Variants in APC observed in about 807,000 individuals in gnomAD.
APC encodes APC regulator of Wnt signaling pathway.
In APC, 72 loss-of-function variants were observed where a neutral mutation model predicts 247.0. The ratio of observed to expected loss-of-function variants is 0.29; its 90% CI spans 0.24 to 0.35. The LOEUF (loss-of-function observed/expected upper bound fraction) is 0.35, where lower values mean the gene tolerates loss of function less well. Among genes scored for constraint, APC ranks in the 10% least tolerant of loss-of-function variants. The pLI is 1.00. For missense variants in APC, 3,400 were observed against 3,360.7 expected, an observed-to-expected ratio of 1.01 and a Z score of -0.29; for synonymous variants, 1,254 against 1,162.5, an observed-to-expected ratio of 1.08 and a Z score of -1.60.
At chr5:112,810,007 T>G (rs1279012410) in intron 8 of APC, 1 of 356,484 alleles carries the variant, frequency 2.8e-6, no homozygotes, top group Non-Finnish European at 5.4e-6. Context: ...AAAAAAAAAG[T>G]AGAAGAGAGC....
In APC at chr5:112,772,860, GAA is replaced by G. The variant is rs577861600; in HGVS notation, c.423-2767_423-2766del. ...GTTCATTTATTAGGAAGTAATGGAG[GAA>G]ATAGTAGCATCACCATCTATTTTAT... On this transcript the variant is annotated intron_variant, in intron 4 of 15. Transcript: ENST00000257430. Among the ~76,000 whole-genome samples, 1,192 of 152,280 alleles carry G rather than the reference GAA, an allele frequency of 7.8e-3. 13 individuals carry two copies. The highest frequency in any genetic ancestry group is 0.027 in the African/African-American group (1,112 of 41,564).
rs587779353 is a variant in APC, at chr5:112,838,792, ACAAT to A, written c.3202_3205del (p.Ser1068GlyfsTer57). The A allele has an allele frequency of 1.2e-6, 2 of 1,614,066 alleles. No homozygotes were observed. Among genetic ancestry groups the A allele is most frequent in the African/African-American group, 2.7e-5 (2 of 74,946 alleles). ...ATGAAATAAAACAAAGTGAGCAAAG[ACAAT>A]CAAGGAATCAAAGTACAACTTATCC... is the stretch of plus-strand genomic sequence containing the variant. On this transcript the variant is annotated frameshift_variant, in exon 16 of 16. Coordinates refer to ENST00000257430, the MANE Select transcript of APC (RefSeq NM_000038.6). LOFTEE classifies it high-confidence loss of function.
At chr5:112,726,051 G>C (rs567691872) in intron 1 of APC, among the ~76,000 whole-genome samples, 1 of 152,172 alleles carries the variant, frequency 6.6e-6, no homozygotes, top group Non-Finnish European at 1.5e-5. Context: ...CCTTATGGGA[G>C]GGGGAGCACA....
chr5:112,801,774 A>G (rs1418903448), intron 8 of APC, among the ~76,000 whole-genome samples: 1 of 152,090 alleles, frequency 6.6e-6, no homozygotes, highest in African/African-American at 2.4e-5. Context: ...TTTTAAAGTT[A>G]TAAAGGCTTT....
chr5:112,826,557 TAATA>T (rs1472562695), intron 11 of APC, among the ~76,000 whole-genome samples: 1 of 149,360 alleles, frequency 6.7e-6, no homozygotes, highest in Non-Finnish European at 1.5e-5. Context: ...TTATATAACT[TAATA>T]AATTGAACAG....
intron 9 of APC, 108 bp from the exon 10 acceptor site, chr5:112,818,858 G>GGTTTGTTTT: frequency 2.0e-6 from 2 of 995,218 alleles, no homozygotes; most frequent in Non-Finnish European, 2.9e-6. Flanking sequence ...GGGGGGGGTT[G>GGTTTGTTTT]TTTTGTTTTT....
chr5:112,719,769 C>A lies in APC; in HGVS notation c.165+11887C>A, dbSNP rs187014061. 9.2e-5 allele frequency among the ~76,000 whole-genome samples: 14 copies of A among 152,244 alleles called. No homozygotes were observed. The East Asian group carries it at 2.5e-3, about 27-fold the overall frequency. ...AGGCTGGTCTTGAACTCCTGAATTC[C>A]TGACCTCAGGTGATCCTCCCACCTC... On this transcript the variant is annotated intron_variant, in intron 1 of 13. Coordinates refer to the APC transcript ENST00000507379.
At chr5:112,752,856 G>A (rs1754533254) in intron 1 of APC, among the ~76,000 whole-genome samples, 1 of 152,006 alleles carries the variant, frequency 6.6e-6, no homozygotes, top group Admixed American at 6.6e-5. Context: ...TTGGGAATCT[G>A]GAGTTAAGGG....
intron 1 of APC, among the ~76,000 whole-genome samples, chr5:112,718,060 G>A (rs1354785277): frequency 6.7e-6 from 1 of 149,256 alleles, no homozygotes; most frequent in Non-Finnish European, 1.5e-5. Flanking sequence ...CCTAATTTAG[G>A]TTATTTTTTA....
At chr5:112,755,243 C>A in intron 2 of APC, 1 of 294,798 alleles carries the variant, frequency 3.4e-6, no homozygotes, top group Non-Finnish European at 5.0e-6. Context: ...ACTCCAATGG[C>A]TAGTTAGTTC....
rs769363082 is a variant in APC at position 112,837,625 on chromosome 5, C to G, written c.2031C>G (p.Val677=). The part of the protein sequence containing the change: ...QHLKSHSLTI[V]SNACGTLWNL... Reference sequence around the variant, plus strand: ...TAAAATCTCATAGTTTGACAATAGTCAGTAATGCATGTGGAACTTTGTGGA... The same window carrying G: ...TAAAATCTCATAGTTTGACAATAGTGAGTAATGCATGTGGAACTTTGTGGA... The change falls in exon 16 of 16, where the codon GTC becomes GTG. Residue 677 remains valine, a synonymous_variant. Coordinates refer to ENST00000257430, the MANE Select transcript of APC (RefSeq NM_000038.6). 6.2e-7 allele frequency: 1 copy of G among 1,612,816 alleles called. No individual in the cohort carries two copies. The highest frequency in any genetic ancestry group is 8.5e-7 in the Non-Finnish European group (1 of 1,178,912).
upstream of APC, among the ~76,000 whole-genome samples, chr5:112,733,437 G>C (rs1752197683): frequency 2.0e-5 from 3 of 152,176 alleles, no homozygotes; most frequent in Admixed American, 2.0e-4. Context: ...ATGAGAGTCA[G>C]AGAAGGAGAT....
At position 112,839,315 on chromosome 5, in the gene APC, G is replaced by A. The variant is rs1561587077; in HGVS notation, c.3721G>A (p.Gly1241Ser). The change falls in exon 16 of 16, where the codon GGT becomes AGT. Residue 1241 changes from glycine (G) to serine (S), a missense_variant. Gly to Ser is a moderately conservative substitution (Grantham distance 56). Coordinates refer to ENST00000257430, the MANE Select transcript of APC (RefSeq NM_000038.6). The surrounding 1 kb of genome is among the most constrained non-coding windows in gnomAD (Gnocchi z 5.0). Reference protein sequence around the residue: ...LHPSSAQSRSGQPQKAATCKV... With the variant: ...LHPSSAQSRSSQPQKAATCKV... The stretch of plus-strand genomic sequence containing the variant: ...TCCAAGTTCTGCACAGAGTAGAAGT[G>A]GTCAGCCTCAAAAGGCTGCCACTTG... 6.2e-7 allele frequency: 1 copy of A among 1,613,568 alleles called. No individual in the cohort carries two copies. Among genetic ancestry groups the A allele is most frequent in the Non-Finnish European group, 8.5e-7 (1 of 1,179,784 alleles).
In APC at chr5:112,845,969, T is replaced by C. The variant is rs950401416; in HGVS notation, c.*1843T>C. On this transcript the variant is annotated 3_prime_UTR_variant, in exon 16 of 16. Coordinates refer to ENST00000257430, the MANE Select transcript of APC (RefSeq NM_000038.6). ...AAATCACATCAAGTAGTTAATTATCTACCCCTTACCTGTGTTTATAACTTC... is the reference window on the plus strand; with the variant it reads ...AAATCACATCAAGTAGTTAATTATCCACCCCTTACCTGTGTTTATAACTTC... 6 of 232,042 alleles carry C rather than the reference T, an allele frequency of 2.6e-5. No individual in the cohort carries two copies. Among genetic ancestry groups the C allele is most frequent in the African/African-American group, 1.3e-4 (6 of 45,396 alleles). The allele number at this position is 232,042 out of a possible 1,614,324, so 14.4% of individuals were successfully genotyped here. A position where few individuals can be genotyped will look rare whatever the true frequency, so the allele number is the denominator to read the frequency against.
At chr5:112,747,232 T>A (rs1262833140) in intron 1 of APC, among the ~76,000 whole-genome samples, 2 of 106,626 alleles carry the variant, frequency 1.9e-5, no homozygotes, top group African/African-American at 7.0e-5. Context: ...GCATAGGACC[T>A]TTTTCTTGAG....
chr5:112,728,302 T>C (rs914069718), intron 1 of APC, among the ~76,000 whole-genome samples: 9 of 152,122 alleles, frequency 5.9e-5, no homozygotes, highest in African/African-American at 2.2e-4. Flanking sequence ...TATTGTTTTT[T>C]TGTATTTTTA....
chr5:112,753,892 G>A (rs891516426), intron 1 of APC, among the ~76,000 whole-genome samples: 1 of 152,088 alleles, frequency 6.6e-6, no homozygotes, highest in Non-Finnish European at 1.5e-5. Context: ...AATTAAGATA[G>A]GCAGGATTTT....
At position 112,767,243 on chromosome 5, in the gene APC, C is replaced by G. The variant is rs769708176; in HGVS notation, c.275C>G (p.Ser92Cys). Residue 92 changes from serine to cysteine, a missense_variant, in exon 4 of 16, where the codon TCC becomes TGC. Coordinates refer to ENST00000257430, the MANE Select transcript of APC (RefSeq NM_000038.6). ...FPGVKLRSKM[S>C]LRSYGSREGS... ...GGAGTAAAACTGCGGTCAAAAATGT[C>G]CCTCCGTTCTTATGGAAGCCGGGAA... The G allele has an allele frequency of 3.7e-6, 6 of 1,614,080 alleles. No homozygotes were observed. The highest frequency in any genetic ancestry group is 4.5e-5 in the East Asian group (2 of 44,874).
chr5:112,732,939 T>C (rs1752169160), upstream of APC, among the ~76,000 whole-genome samples: 1 of 152,234 alleles, frequency 6.6e-6, no homozygotes. Flanking sequence ...TAATGATCCT[T>C]ATTACAGCTC....
Sources: gnomAD v4.1 joint callset for allele counts (sites outside exome capture counted in the v4.1 genomes callset) on GRCh38, gnomAD v4.1.1 for gene constraint, Gnocchi (gnomAD v3.1) non-coding constraint, MANE v1.5 for transcripts, NCBI Gene and HGNC (gene_info 2026-07-23, HGNC 2026-07-21) for gene names.